Variants in TMEM132D observed in about 807,000 individuals in gnomAD.
The protein encoded by TMEM132D is transmembrane protein 132D.
TMEM132D carries 21 observed loss-of-function variants against 62.3 expected under a neutral mutation model. That is an observed-to-expected ratio of 0.34 (90% CI 0.24 to 0.49). TMEM132D has a LOEUF of 0.49. Among genes scored for constraint, TMEM132D ranks in the 20% least tolerant of loss-of-function variants. The pLI is 0.99. For missense variants in TMEM132D, 1,346 were observed against 1,402.8 expected, an observed-to-expected ratio of 0.96 and a Z score of 0.65; for synonymous variants, 621 against 575.6, an observed-to-expected ratio of 1.08 and a Z score of -1.13.
chr12:129,583,027 C>G (rs766431016), intron 2 of TMEM132D, among the ~76,000 whole-genome samples: 38 of 151,928 alleles, frequency 2.5e-4, no homozygotes, highest in Non-Finnish European at 1.5e-5. Context: ...CCAGACTGGT[C>G]TTGATCTCCT....
At chr12:129,773,017 A>C (rs1187821809) in intron 1 of TMEM132D, among the ~76,000 whole-genome samples, 6 of 152,172 alleles carry the variant, frequency 3.9e-5, no homozygotes, top group Non-Finnish European at 7.3e-5. Context: ...GCAGAAAATC[A>C]TGAGGGAAGA....
chr12:129,652,749 C>T (rs1292869277), intron 2 of TMEM132D, among the ~76,000 whole-genome samples: 2 of 152,258 alleles, frequency 1.3e-5, no homozygotes, highest in Middle Eastern at 3.2e-3. Context: ...ATCCACAGAA[C>T]TGTAAGACAA....
chr12:129,486,846 G>C (rs949481697), intron 3 of TMEM132D, among the ~76,000 whole-genome samples: 5 of 152,152 alleles, frequency 3.3e-5, no homozygotes, highest in African/African-American at 7.2e-5. Flanking sequence ...CTATGTGGCA[G>C]GTCCTGTTTC....
At chr12:129,653,215 G>A (rs1271402357) in intron 2 of TMEM132D, among the ~76,000 whole-genome samples, 2 of 152,126 alleles carry the variant, frequency 1.3e-5, no homozygotes, top group Non-Finnish European at 2.9e-5. Flanking sequence ...GGGGCTGCAT[G>A]GTTTGGGCAT....
At chr12:129,730,443 T>C (rs1323332784) in intron 1 of TMEM132D, among the ~76,000 whole-genome samples, 1 of 152,134 alleles carries the variant, frequency 6.6e-6, no homozygotes, top group Non-Finnish European at 1.5e-5. Flanking sequence ...ATATAAACCT[T>C]CTATCACTCA....
At position 129,174,279 on chromosome 12, in the gene TMEM132D, C is replaced by G. The variant is rs374259728; in HGVS notation, c.1443+35241G>C. 1.9e-3 allele frequency among the ~76,000 whole-genome samples: 282 copies of G among 152,248 alleles called. 1 individual carries two copies. The highest frequency in any genetic ancestry group is 6.4e-3 in the African/African-American group (264 of 41,546). Reference sequence around the variant, plus strand: ...GGGTGTTTTGTTCCCCTCCCTGTGTCCATGCGTTCTCATTGTTCAACTCGC... The same window carrying G: ...GGGTGTTTTGTTCCCCTCCCTGTGTGCATGCGTTCTCATTGTTCAACTCGC... On this transcript the variant is annotated intron_variant, in intron 5 of 8. Transcript: ENST00000422113.
chr12:129,536,987 T>C (rs1342433974), intron 2 of TMEM132D, among the ~76,000 whole-genome samples: 1 of 151,980 alleles, frequency 6.6e-6, no homozygotes, highest in Non-Finnish European at 1.5e-5. Flanking sequence ...AGAAACCCTG[T>C]CTCTACTAAA....
At chr12:129,780,797 A>C (rs1378348615) in intron 1 of TMEM132D, among the ~76,000 whole-genome samples, 1 of 152,120 alleles carries the variant, frequency 6.6e-6, no homozygotes, top group Non-Finnish European at 1.5e-5. Context: ...TTGAAGAGAA[A>C]ATTGAAACAG....
Position 129,721,608 on chromosome 12 carries a change from C to T in TMEM132D, c.80-20910G>A, listed in dbSNP as rs189763824. Among the ~76,000 whole-genome samples the T allele has an allele frequency of 5.2e-4, 79 of 152,282 alleles. 3 individuals carry two copies. The East Asian group carries it at 7.0e-3, about 13-fold the overall frequency. ...AGCCCGTCCTCTCCCTGAGCCTTCC[C>T]GTTGATCTCCTCTGAGAACCTGGGG... is the stretch of plus-strand genomic sequence containing the variant. On this transcript the variant is annotated intron_variant, in intron 1 of 8. Coordinates refer to ENST00000422113, the MANE Select transcript of TMEM132D (RefSeq NM_133448.3).
intron 1 of TMEM132D, among the ~76,000 whole-genome samples, chr12:129,811,592 A>C (rs1244415180): frequency 6.6e-6 from 1 of 151,778 alleles, no homozygotes; most frequent in Non-Finnish European, 1.5e-5. Flanking sequence ...CACCTCTGTG[A>C]GTGTGCGACC....
At chr12:129,639,210 C>T (rs11060478) in intron 2 of TMEM132D, among the ~76,000 whole-genome samples, 3,142 of 151,536 alleles carry the variant, frequency 0.021, 54 homozygotes, top group Non-Finnish European at 0.03. Context: ...TGGCAAAACC[C>T]CGTCTCTACT....
rs143257185 is a variant in TMEM132D at position 129,700,444 on chromosome 12, G to A, written c.334C>T (p.Leu112=). Residue 112 remains leucine (L), a synonymous_variant, in exon 2 of 9, where the codon CTA becomes TTA. Coordinates refer to ENST00000422113, the MANE Select transcript of TMEM132D (RefSeq NM_133448.3). ...GTGAATCCAAATGGGTTGGAAGGTA[G>A]CATTAAATCCTGGGGCACCACTTGC... The part of the protein sequence containing the change: ...IEQVVPQDLM[L]PSNPFGFTNK... 3.2e-5 allele frequency: 52 copies of A among 1,614,046 alleles called. No homozygotes were observed. Among genetic ancestry groups the A allele is most frequent in the Non-Finnish European group, 3.1e-5 (36 of 1,180,040 alleles).
chr12:129,836,674 T>C (rs1293583494), intron 1 of TMEM132D, among the ~76,000 whole-genome samples: 1 of 152,042 alleles, frequency 6.6e-6, no homozygotes, highest in African/African-American at 2.4e-5. Context: ...TCTATGTGCA[T>C]AAAATAAACA....
At chr12:129,442,124 G>A (rs1331903394) in intron 3 of TMEM132D, among the ~76,000 whole-genome samples, 1 of 152,028 alleles carries the variant, frequency 6.6e-6, no homozygotes, top group East Asian at 1.9e-4. Flanking sequence ...ATGTACCCCC[G>A]GAATCTAAAA....
intron 1 of TMEM132D, among the ~76,000 whole-genome samples, chr12:129,798,103 G>C (rs1290873704): frequency 6.6e-6 from 1 of 152,122 alleles, no homozygotes; most frequent in African/African-American, 2.4e-5. Flanking sequence ...TGATGTACTG[G>C]CTTCCCATTC....
intron 1 of TMEM132D, among the ~76,000 whole-genome samples, chr12:129,762,478 G>A (rs1870412362): frequency 6.6e-6 from 1 of 152,024 alleles, no homozygotes; most frequent in African/African-American, 2.4e-5. Context: ...TCAAATCCCT[G>A]TTCTGTGTAG....
intron 2 of TMEM132D, among the ~76,000 whole-genome samples, chr12:129,661,374 C>A (rs777359467): frequency 1.3e-5 from 2 of 152,200 alleles, no homozygotes; most frequent in Non-Finnish European, 2.9e-5. Flanking sequence ...TTACTGAAAA[C>A]CTAATTTTCA....
At chr12:129,111,005 C>T (rs1382119848) in intron 5 of TMEM132D, 1 of 149,218 alleles carries the variant, frequency 6.7e-6, no homozygotes, top group Non-Finnish European at 1.5e-5. Flanking sequence ...CGTCGCTGCC[C>T]TCAGCCTCCA....
chr12:129,230,278 A>C (rs1270538425), intron 4 of TMEM132D, among the ~76,000 whole-genome samples: 2 of 145,600 alleles, frequency 1.4e-5, no homozygotes, highest in Non-Finnish European at 3.0e-5. Context: ...CAGCCTAGCC[A>C]TCCCCTTCCT....
Sources: gnomAD v4.1 joint callset for allele counts (sites outside exome capture counted in the v4.1 genomes callset) on GRCh38, gnomAD v4.1.1 for gene constraint, MANE v1.5 for transcripts, NCBI Gene and HGNC (gene_info 2026-07-23, HGNC 2026-07-21) for gene names.